The following LAMB2 variants were observed in gnomAD, a reference collection of about 807,000 sequenced individuals.
LAMB2 encodes laminin subunit beta 2.
LAMB2 carries 119 observed loss-of-function variants against 202.7 expected under a neutral mutation model. The ratio of observed to expected loss-of-function variants is 0.59; its 90% CI spans 0.51 to 0.68. LAMB2 has a LOEUF of 0.68. LAMB2 is among the 30% of genes least tolerant of loss of function. The probability of loss-of-function intolerance (pLI) is 0.00; values close to 1 mark genes in which losing one functional copy is unlikely to be tolerated. For missense variants in LAMB2, 2,124 were observed against 2,410.6 expected, an observed-to-expected ratio of 0.88 and a Z score of 2.49; for synonymous variants, 818 against 902.2, an observed-to-expected ratio of 0.91 and a Z score of 1.67.
Position 49,123,615 on chromosome 3 carries a change from C to G in LAMB2, c.3814G>C (p.Ala1272Pro). The change falls in exon 25 of 32, where the codon GCC becomes CCC. Residue 1272 changes from alanine to proline, a missense_variant. Coordinates refer to ENST00000305544, the MANE Select transcript of LAMB2 (RefSeq NM_002292.4). ...TEELRREIGE[A>P]TEHLTQLEAD... ...TCGAGCTGAGTCAGGTGCTCAGTGGCCTCCCCAATTTCACGCCTGCAATGA... is the reference window on the plus strand; with the variant it reads ...TCGAGCTGAGTCAGGTGCTCAGTGGGCTCCCCAATTTCACGCCTGCAATGA... 6.8e-6 allele frequency: 11 copies of G among 1,614,142 alleles called. No individual in the cohort carries two copies. The highest frequency in any genetic ancestry group is 9.3e-6 in the Non-Finnish European group (11 of 1,180,038).
chr3:49,128,111 T>G (rs1264853567), intron 15 of LAMB2, among the ~76,000 whole-genome samples: 1 of 147,808 alleles, frequency 6.8e-6, no homozygotes, highest in African/African-American at 2.5e-5. Flanking sequence ...AAAACATTAA[T>G]CAGACCAGGC....
rs1457606688 is a variant in LAMB2, at chr3:49,122,985, T to C, written c.4292A>G (p.Glu1431Gly). The C allele has an allele frequency of 1.2e-6, 2 of 1,608,980 alleles. No individual in the cohort carries two copies. Among genetic ancestry groups the C allele is most frequent in the South Asian group, 2.2e-5 (2 of 91,086 alleles). The part of the protein sequence containing the change: ...SPCGGAGCRD[E>G]DGQPRCGGLS... ...GCCCCCACAGCGCGGCTGCCCATCC[T>C]CATCTCGACAGCCGGCACCCCCACA... The change falls in exon 27 of 32, where the codon GAG becomes GGG. Residue 1431 changes from glutamate to glycine, a missense_variant. By Grantham distance (98) the Glu-to-Gly change is moderately conservative (BLOSUM62 -2). Coordinates refer to ENST00000305544, the MANE Select transcript of LAMB2 (RefSeq NM_002292.4).
intron 29 of LAMB2, 36 bp downstream of exon 29, chr3:49,121,908 T>C: frequency 1.2e-6 from 2 of 1,613,858 alleles, no homozygotes; most frequent in Non-Finnish European, 1.7e-6. Flanking sequence ...TTCATGCCCA[T>C]AACCTTGTCC....
Position 49,124,923 on chromosome 3 carries a change from G to T in LAMB2, c.2887C>A (p.Leu963Met), listed in dbSNP as rs2045394574. ...CCAGGGGCACAAGCTTCACATCGCA[G>T]CCCTGCCCACGGTTAAGAGGAAGCT... ...VCHCRAGYTG[L>M]RCEACAPGHF... Residue 963 changes from leucine (L) to methionine (M), a missense_variant and splice_region_variant, in exon 21 of 32, where the codon CTG (leucine) becomes ATG (methionine). By Grantham distance (15) the Leu-to-Met change is conservative (BLOSUM62 2). Around this residue, in one of 3 missense-constraint regions of LAMB2, gnomAD observed 1,702 missense variants for 1,896.3 expected, o/e 0.90. Transcript: ENST00000305544. 1 of 1,613,930 alleles carries T rather than the reference G, an allele frequency of 6.2e-7. No homozygotes were observed. The highest frequency in any genetic ancestry group is 8.5e-7 in the Non-Finnish European group (1 of 1,180,054).
In LAMB2 at chr3:49,125,729, C is replaced by G. The variant is rs779862539; in HGVS notation, c.2488+18G>C. 31 of 1,612,066 alleles carry G rather than the reference C, an allele frequency of 1.9e-5. No individual in the cohort carries two copies. Among genetic ancestry groups the G allele is most frequent in the Non-Finnish European group, 2.6e-5 (31 of 1,178,772 alleles). The stretch of plus-strand genomic sequence containing the variant: ...AAGGAGAGAGAAGCATAGGAGGGAA[C>G]AAGGGGCAGAAGAGTACCTTGACAG... On this transcript the variant is annotated intron_variant, in intron 18 of 31. Transcript: ENST00000305544.
At chr3:49,126,341 T>C in intron 16 of LAMB2, 24 bp downstream of exon 16, 1 of 1,614,048 alleles carries the variant, frequency 6.2e-7, no homozygotes, top group Non-Finnish European at 8.5e-7. Context: ...TCTTGGTTGG[T>C]GTGGGCAAGA....
In LAMB2 at chr3:49,121,851, T is replaced by C. The variant is rs2045276156; in HGVS notation, c.4933A>G (p.Arg1645Gly). The C allele has an allele frequency of 1.2e-6, 2 of 1,613,064 alleles. No individual in the cohort carries two copies. Among genetic ancestry groups the C allele is most frequent in the South Asian group, 1.1e-5 (1 of 91,084 alleles). Residue 1645 changes from arginine to glycine, a missense_variant, in exon 30 of 32, where the codon AGG becomes GGG. By Grantham distance (125) the Arg-to-Gly change is moderately radical. This residue lies in a region of LAMB2 where 1,702 missense variants were observed against 1,896.3 expected (regional missense o/e 0.90). Coordinates refer to ENST00000305544, the MANE Select transcript of LAMB2 (RefSeq NM_002292.4). ...TEQTLYQVQE[R>G]MAGAERALSS... Reference sequence around the variant, plus strand: ...AGTGCCCGCTCTGCACCTGCCATCCTCTCCTGTACCTGCCATGGGTGAGCC... The same window carrying C: ...AGTGCCCGCTCTGCACCTGCCATCCCCTCCTGTACCTGCCATGGGTGAGCC...
Position 49,132,364 on chromosome 3 carries a change from G to C in LAMB2, c.291C>G (p.Phe97Leu). The stretch of plus-strand genomic sequence containing the variant: ...GGCTGTGTGGGTTGTCTCTAGCAGA[G>C]AAGGGGCGCCGGGAGTCACAAAGGA... ...KCFLCDSRRP[F>L]SARDNPHSHR... Residue 97 changes from phenylalanine (F) to leucine (L), a missense_variant, in exon 3 of 32, where the codon TTC becomes TTG. Physicochemically the swap from Phe to Leu is conservative, Grantham distance 22. This residue lies in a region of LAMB2 where 166 missense variants were observed against 158.2 expected (regional missense o/e 1.05). Transcript: ENST00000305544. The surrounding 1 kb of genome is among the most constrained non-coding windows in gnomAD (Gnocchi z 4.6). 6.2e-7 allele frequency: 1 copy of C among 1,614,264 alleles called. No homozygotes were observed. Among genetic ancestry groups the C allele is most frequent in the Non-Finnish European group, 8.5e-7 (1 of 1,180,050 alleles).
rs1269838719 is a variant in LAMB2, at chr3:49,124,766, T to A, written c.3044A>T (p.Glu1015Val). The A allele has an allele frequency of 3.7e-6, 6 of 1,614,070 alleles. No individual in the cohort carries two copies. Among genetic ancestry groups the A allele is most frequent in the Non-Finnish European group, 5.1e-6 (6 of 1,180,028 alleles). Residue 1015 changes from glutamate to valine, a missense_variant, in exon 21 of 32, where the codon GAG (glutamate) becomes GTG (valine). Physicochemically the swap from Glu to Val is moderately radical, Grantham distance 121 (BLOSUM62 -2). This residue lies in a region of LAMB2 where 1,702 missense variants were observed against 1,896.3 expected (regional missense o/e 0.90). Coordinates refer to ENST00000305544, the MANE Select transcript of LAMB2 (RefSeq NM_002292.4). The part of the protein sequence containing the change: ...GQCLRCLHHT[E>V]GPHCAHCKPG... ...CTTGCAGTGGGCACAGTGTGGACCC[T>A]CTGTGTGGTGTAAACAGCGCAGGCA...
intron 18 of LAMB2, 54 bp downstream of exon 18, chr3:49,125,693 A>G (rs1349228563): frequency 4.4e-6 from 7 of 1,598,086 alleles, no homozygotes; most frequent in Non-Finnish European, 5.1e-6. Flanking sequence ...AGGAGAGAGA[A>G]CAGTAATGGG....
Position 49,121,866 on chromosome 3 carries a change from A to G in LAMB2, c.4924-6T>C, listed in dbSNP as rs1396204662. ...CCTGCCATCCTCTCCTGTACCTGCC[A>G]TGGGTGAGCCAAAGGTTACACAGAT... is the stretch of plus-strand genomic sequence containing the variant. On this transcript the variant is annotated splice_polypyrimidine_tract_variant and splice_region_variant and intron_variant, in intron 29 of 31. Transcript: ENST00000305544. 1.2e-6 allele frequency: 2 copies of G among 1,613,328 alleles called. No individual in the cohort carries two copies. Among genetic ancestry groups the G allele is most frequent in the Non-Finnish European group, 8.5e-7 (1 of 1,180,028 alleles).
At position 49,123,902 on chromosome 3, in the gene LAMB2, G is replaced by A; in HGVS notation, c.3623C>T (p.Thr1208Ile). 6.2e-7 allele frequency: 1 copy of A among 1,613,374 alleles called. No homozygotes were observed. Among genetic ancestry groups the A allele is most frequent in the Non-Finnish European group, 8.5e-7 (1 of 1,180,026 alleles). ...DRVVQDLAAR[T>I]QRLEQRAQEL... The stretch of plus-strand genomic sequence containing the variant: ...CTGCGCCCGCTGCTCTAGGCGCTGT[G>A]TACGGGCTGCCAAGTCCTGCACCAC... The change falls in exon 24 of 32, where the codon ACA (threonine) becomes ATA (isoleucine). Residue 1208 changes from threonine to isoleucine, a missense_variant. By Grantham distance (89) the Thr-to-Ile change is moderately conservative (BLOSUM62 -1). This residue lies in a region of LAMB2 where 1,702 missense variants were observed against 1,896.3 expected (regional missense o/e 0.90). Transcript: ENST00000305544.
Position 49,121,754 on chromosome 3 carries a change from T to C in LAMB2, c.5030A>G (p.Asn1677Ser). ...TTCTGCTGTAGAGGCTGCCAGACTA[T>C]TTCCTGCCCGTTTCAATTTCAGAGC... is the stretch of plus-strand genomic sequence containing the variant. ...LEALKLKRAG[N>S]SLAASTAEET... Residue 1677 changes from asparagine to serine, a missense_variant, in exon 30 of 32, where the codon AAT becomes AGT. By Grantham distance (46) the Asn-to-Ser change is conservative (BLOSUM62 1). Transcript: ENST00000305544. 6.2e-7 allele frequency: 1 copy of C among 1,613,798 alleles called. No individual in the cohort carries two copies.
Position 49,125,816 on chromosome 3 carries a change from C to T in LAMB2, c.2419G>A (p.Gly807Arg). The change falls in exon 18 of 32, where the codon GGA (glycine) becomes AGA (arginine). Residue 807 changes from glycine to arginine, a missense_variant. Around this residue, in one of 3 missense-constraint regions of LAMB2, gnomAD observed 1,702 missense variants for 1,896.3 expected, o/e 0.90. Coordinates refer to ENST00000305544, the MANE Select transcript of LAMB2 (RefSeq NM_002292.4). ...AGGTCACAGCGGCGCCCAACCACTCCAGGCTTGCACAGGCACTGACCACCA... is the reference window on the plus strand; with the variant it reads ...AGGTCACAGCGGCGCCCAACCACTCTAGGCTTGCACAGGCACTGACCACCA... ...PHGGQCLCKP[G>R]VVGRRCDLCA... 1 of 1,614,142 alleles carries T rather than the reference C, an allele frequency of 6.2e-7. No individual in the cohort carries two copies. Among genetic ancestry groups the T allele is most frequent in the African/African-American group, 1.3e-5 (1 of 75,014 alleles).
At position 49,124,470 on chromosome 3, in the gene LAMB2, C is replaced by A. The variant is rs769291011; in HGVS notation, c.3252G>T (p.Trp1084Cys). 14 of 1,613,594 alleles carry A rather than the reference C, an allele frequency of 8.7e-6. No homozygotes were observed. In the African/African-American group the frequency reaches 1.6e-4, roughly 18 times the overall value. Residue 1084 changes from tryptophan to cysteine, a missense_variant, in exon 22 of 32, where the codon TGG becomes TGT. Around this residue, in one of 3 missense-constraint regions of LAMB2, gnomAD observed 1,702 missense variants for 1,896.3 expected, o/e 0.90. Coordinates refer to ENST00000305544, the MANE Select transcript of LAMB2 (RefSeq NM_002292.4). Reference protein sequence around the residue: ...PSCDRCAPNFWNLTSGHGCQP... With the variant: ...PSCDRCAPNFCNLTSGHGCQP... ...GGCAACCATGGCCACTGGTGAGGTT[C>A]CAGAAGTTGGGGGCACAGCGGTCAC...
Position 49,130,234 on chromosome 3 carries a change from G to C in LAMB2, c.1222C>G (p.Arg408Gly). Residue 408 changes from arginine (R) to glycine (G), a missense_variant, in exon 9 of 32, where the codon CGC (arginine) becomes GGC (glycine). Arg to Gly is a moderately radical substitution (Grantham distance 125). Around this residue, in one of 3 missense-constraint regions of LAMB2, gnomAD observed 1,702 missense variants for 1,896.3 expected, o/e 0.90. Transcript: ENST00000305544. This position sits in a 1 kb window ranked among gnomAD's most constrained non-coding sequence, Gnocchi z 5.0. ...CCGTGCCCAATCCCAGCCTCACAGC[G>C]GCACACAGCCGGATCCCGCAGGTCC... ...TKDLRDPAVC[R>G]SCDCDPMGSQ... The C allele has an allele frequency of 6.2e-7, 1 of 1,614,188 alleles. No individual in the cohort carries two copies. Among genetic ancestry groups the C allele is most frequent in the Non-Finnish European group, 8.5e-7 (1 of 1,180,036 alleles).
At position 49,124,048 on chromosome 3, in the gene LAMB2, T is replaced by G; in HGVS notation, c.3477A>C (p.Thr1159=). The G allele has an allele frequency of 6.2e-7, 1 of 1,613,770 alleles. No individual in the cohort carries two copies. Among genetic ancestry groups the G allele is most frequent in the Non-Finnish European group, 8.5e-7 (1 of 1,180,006 alleles). Residue 1159 remains threonine, a synonymous_variant, in exon 24 of 32, where the codon ACA becomes ACC. Transcript: ENST00000305544. ...CCCCTGGGCGGCAGCTGCAGTGACC[T>G]GTGAAGCGGTGACACTGAGGTGTAT... ...GIDTPQCHRF[T]GHCSCRPGVS...
In LAMB2 at chr3:49,125,781, A is replaced by G. The variant is rs1476110330; in HGVS notation, c.2454T>C (p.Pro818=). The change falls in exon 18 of 32, where the codon CCT becomes CCC. Residue 818 remains proline (P), a synonymous_variant. Transcript: ENST00000305544. The stretch of plus-strand genomic sequence containing the variant: ...CTGTGGGGCCAAAGCCATAGTAGCC[A>G]GGGGCACAGAGGTCACAGCGGCGCC... ...VVGRRCDLCA[P]GYYGFGPTGC... is the part of the protein sequence containing the mutation. 2 of 1,614,046 alleles carry G rather than the reference A, an allele frequency of 1.2e-6. No homozygotes were observed. The highest frequency in any genetic ancestry group is 2.7e-5 in the African/African-American group (2 of 74,922).
In LAMB2 at chr3:49,123,210, T is replaced by C. The variant is rs2045369756; in HGVS notation, c.4146A>G (p.Lys1382=). The C allele has an allele frequency of 1.2e-6, 2 of 1,613,936 alleles. No homozygotes were observed. Among genetic ancestry groups the C allele is most frequent in the Non-Finnish European group, 1.7e-6 (2 of 1,180,036 alleles). ...CAAGTGCCCGCTGGTTGGCCATGTG[T>C]TTGCTGTTGAAGTCCTCCTTCTGAG... The part of the protein sequence containing the change: ...MDAQKEDFNS[K]HMANQRALGK... Residue 1382 remains lysine (K), a synonymous_variant, in exon 26 of 32, where the codon AAA becomes AAG. Transcript: ENST00000305544.
Sources: allele counts gnomAD v4.1 joint callset (sites outside exome capture counted in the v4.1 genomes callset), GRCh38; gene constraint gnomAD v4.1.1; regional missense constraint gnomAD v4.1.1; non-coding constraint Gnocchi (gnomAD v3.1); transcripts MANE v1.5; gene names NCBI Gene and HGNC (gene_info 2026-07-23, HGNC 2026-07-21).